Variants in ADGRA3 observed in about 807,000 individuals in gnomAD.
ADGRA3 encodes G-protein coupled receptor 125.
A neutral mutation model predicts 119.8 loss-of-function variants in ADGRA3; 56 were observed. The observed-to-expected ratio is 0.47, with a 90% confidence interval of 0.38 to 0.58. The LOEUF is 0.58. ADGRA3 is among the 20% of genes least tolerant of loss of function. ADGRA3 has a pLI of 0.00. For synonymous variants in ADGRA3, 607 were observed against 623.8 expected (o/e 0.97, Z 0.40); for missense variants, 1,516 against 1,649.0 (o/e 0.92, Z 1.40).
At chr4:22,402,972 C>G (rs1221752775) in intron 14 of ADGRA3, among the ~76,000 whole-genome samples, 173 bp from the exon 15 acceptor site, 1 of 152,126 alleles carries the variant, frequency 6.6e-6, no homozygotes, top group Non-Finnish European at 1.5e-5. Flanking sequence ...CTTTGCTTTC[C>G]TAACTTCTAT....
chr4:22,421,152 A>G (rs1240340596), intron 11 of ADGRA3, 63 bp from the exon 12 acceptor site: 10 of 1,401,478 alleles, frequency 7.1e-6, no homozygotes, highest in African/African-American at 1.4e-5. Flanking sequence ...AGCACTTTCA[A>G]AGACTTTTCA....
intron 1 of ADGRA3, among the ~76,000 whole-genome samples, chr4:22,499,065 T>G (rs563099687): frequency 1.2e-4 from 18 of 152,208 alleles, no homozygotes; most frequent in African/African-American, 3.9e-4. Context: ...CAAGCAAAGA[T>G]CATGAAGCAG....
intron 14 of ADGRA3, among the ~76,000 whole-genome samples, chr4:22,408,049 A>G (rs1250936573): frequency 6.6e-6 from 1 of 152,116 alleles, no homozygotes; most frequent in Non-Finnish European, 1.5e-5. Context: ...AAATGTTAAA[A>G]GACGACTATG....
At chr4:22,469,069 C>T (rs1293960148) in intron 2 of ADGRA3, among the ~76,000 whole-genome samples, 2 of 151,892 alleles carry the variant, frequency 1.3e-5, no homozygotes, top group South Asian at 2.1e-4. Context: ...AAAAAAAGAC[C>T]CCTTGGTTGA....
At chr4:22,504,204 T>C (rs1719156758) in intron 1 of ADGRA3, among the ~76,000 whole-genome samples, 1 of 151,580 alleles carries the variant, frequency 6.6e-6, no homozygotes, top group South Asian at 2.1e-4. Flanking sequence ...TCAAATATTA[T>C]GCAATTTAAA....
chr4:22,461,693 T>C (rs960346227), intron 3 of ADGRA3, 44 bp downstream of exon 3: 2 of 1,294,080 alleles, frequency 1.5e-6, no homozygotes, highest in Non-Finnish European at 2.2e-6. Context: ...GCTATTTATA[T>C]AAGCAACAAT....
At chr4:22,513,548 G>C (rs1368825521) in intron 1 of ADGRA3, among the ~76,000 whole-genome samples, 2 of 147,056 alleles carry the variant, frequency 1.4e-5, no homozygotes, top group African/African-American at 2.5e-5. Context: ...GTCTCACTCT[G>C]TTACATAGGC....
intron 1 of ADGRA3, among the ~76,000 whole-genome samples, chr4:22,501,205 T>C (rs1719037458): frequency 6.6e-6 from 1 of 152,204 alleles, no homozygotes; most frequent in Non-Finnish European, 1.5e-5. Flanking sequence ...TCTGTTTCTC[T>C]AGAAAATCTT....
At chr4:22,406,678 C>T (rs537971411) in intron 14 of ADGRA3, among the ~76,000 whole-genome samples, 8 of 152,032 alleles carry the variant, frequency 5.3e-5, no homozygotes, top group African/African-American at 1.9e-4. Flanking sequence ...TGTTTCAGTT[C>T]CTTATTATTC....
chr4:22,396,804 T>C (rs1577321758), intron 16 of ADGRA3, among the ~76,000 whole-genome samples: 1 of 152,204 alleles, frequency 6.6e-6, no homozygotes, highest in Admixed American at 6.5e-5. Context: ...CATTTGTTCT[T>C]GAAGCCCTAA....
At chr4:22,483,903 C>T (rs960171418) in intron 1 of ADGRA3, among the ~76,000 whole-genome samples, 21 of 152,248 alleles carry the variant, frequency 1.4e-4, no homozygotes, top group Middle Eastern at 3.4e-3. Context: ...TCATAGAGAA[C>T]TATCATTCAA....
chr4:22,436,982 T>C (rs928975049), intron 8 of ADGRA3, among the ~76,000 whole-genome samples: 4 of 152,224 alleles, frequency 2.6e-5, no homozygotes, highest in African/African-American at 9.6e-5. Context: ...GGGAATTTAA[T>C]TGCATAATAT....
At chr4:22,419,771 T>TC (rs1715575377) in intron 12 of ADGRA3, among the ~76,000 whole-genome samples, 1 of 150,154 alleles carries the variant, frequency 6.7e-6, no homozygotes, top group African/African-American at 2.4e-5. Context: ...TGTTTTGTTT[T>TC]GTTTTTTTCC....
At chr4:22,392,814 A>C in intron 16 of ADGRA3, 124 bp from the exon 17 acceptor site, 2 of 780,252 alleles carry the variant, frequency 2.6e-6, no homozygotes, top group South Asian at 2.0e-5. Context: ...CTAATAATCA[A>C]CTCTGTTGCC....
At chr4:22,400,483 A>C (rs1714569242) in intron 16 of ADGRA3, among the ~76,000 whole-genome samples, 1 of 152,186 alleles carries the variant, frequency 6.6e-6, no homozygotes, top group African/African-American at 2.4e-5. Flanking sequence ...GAGGTATCTG[A>C]AGTAGTCACA....
chr4:22,466,255 T>C (rs1399578731), intron 2 of ADGRA3, among the ~76,000 whole-genome samples: 1 of 152,212 alleles, frequency 6.6e-6, no homozygotes, highest in Non-Finnish European at 1.5e-5. Flanking sequence ...TCTTCATTTA[T>C]ACCAGTCATA....
intron 15 of ADGRA3, among the ~76,000 whole-genome samples, chr4:22,402,238 A>G (rs938874954): frequency 3.3e-5 from 5 of 152,170 alleles, no homozygotes; most frequent in African/African-American, 1.2e-4. Flanking sequence ...AAATGCCACA[A>G]ATTTTCTTAA....
At chr4:22,423,535 G>A (rs990052443) in intron 11 of ADGRA3, among the ~76,000 whole-genome samples, 2 of 152,098 alleles carry the variant, frequency 1.3e-5, no homozygotes, top group Admixed American at 6.6e-5. Flanking sequence ...TTTTTAGGAC[G>A]AAAAAGTAAG....
intron 15 of ADGRA3, 50 bp from the exon 16 acceptor site, chr4:22,401,604 G>A (rs1405516837): frequency 7.2e-7 from 1 of 1,383,380 alleles, no homozygotes; most frequent in Non-Finnish European, 9.9e-7. Flanking sequence ...TACATAAGGA[G>A]AAAACTATGA....
Sources: gnomAD v4.1 joint callset for allele counts (sites outside exome capture counted in the v4.1 genomes callset) on GRCh38, gnomAD v4.1.1 for gene constraint, MANE v1.5 for transcripts, NCBI Gene and HGNC (gene_info 2026-07-23, HGNC 2026-07-21) for gene names.